The following PLEKHH2 variants were observed in gnomAD, a reference collection of about 807,000 sequenced individuals.
PLEKHH2 encodes pleckstrin homology, MyTH4 and FERM domain containing H2, also known as pleckstrin homology domain-containing family H member 2.
In PLEKHH2, 129 loss-of-function variants were observed where a neutral mutation model predicts 187.9. The observed-to-expected ratio is 0.69, with a 90% confidence interval of 0.59 to 0.79. The LOEUF (loss-of-function observed/expected upper bound fraction) is 0.79, where lower values mean the gene tolerates loss of function less well. Among genes scored for constraint, PLEKHH2 ranks in the 30% least tolerant of loss-of-function variants. The pLI is 0.00. For missense variants in PLEKHH2, 2,076 were observed against 1,751.2 expected, an observed-to-expected ratio of 1.19 and a Z score of -3.31; for synonymous variants, 686 against 605.6, an observed-to-expected ratio of 1.13 and a Z score of -1.95.
chr2:43,675,566 C>T (rs1261178070), intron 2 of PLEKHH2: 1 of 1,613,808 alleles, frequency 6.2e-7, no homozygotes, highest in Non-Finnish European at 8.5e-7. Context: ...AATGCCTCTT[C>T]AATAAGCTGT....
chr2:43,677,344 G>C (rs1203522127), intron 2 of PLEKHH2, among the ~76,000 whole-genome samples: 1 of 152,056 alleles, frequency 6.6e-6, no homozygotes, highest in African/African-American at 2.4e-5. Context: ...AGGACCCTTC[G>C]GCCCTCTGCA....
At chr2:43,666,494 C>T (rs559688867) in intron 2 of PLEKHH2, among the ~76,000 whole-genome samples, 1 of 147,318 alleles carries the variant, frequency 6.8e-6, no homozygotes, top group South Asian at 2.1e-4. Context: ...ATCTTGGCTC[C>T]TCCCCCAACA....
At chr2:43,757,324 T>A (rs1672251408) in intron 26 of PLEKHH2, 60 bp downstream of exon 26, 1 of 1,291,608 alleles carries the variant, frequency 7.7e-7, no homozygotes, top group African/African-American at 1.5e-5. Flanking sequence ...TGGTAATATT[T>A]TTGTGTTCAA....
chr2:43,751,889 C>T (rs1438995200), intron 24 of PLEKHH2, among the ~76,000 whole-genome samples: 2 of 151,646 alleles, frequency 1.3e-5, no homozygotes, highest in African/African-American at 4.9e-5. Context: ...GGATTTGAGC[C>T]CATGGTTCAT....
At chr2:43,675,031 G>C in intron 2 of PLEKHH2, 1 of 171,156 alleles carries the variant, frequency 5.8e-6, no homozygotes, top group Non-Finnish European at 1.2e-5. Context: ...TTAAATATGT[G>C]GCCATACATG....
At chr2:43,707,744 A>G (rs536087558) in intron 11 of PLEKHH2, among the ~76,000 whole-genome samples, 199 bp downstream of exon 11, 355 of 102,186 alleles carry the variant, frequency 3.5e-3, no homozygotes, top group African/African-American at 0.018. Context: ...CAAATTATAT[A>G]GTTTTTTTTT....
chr2:43,702,978 C>T (rs1030246578), intron 8 of PLEKHH2, among the ~76,000 whole-genome samples: 2 of 152,220 alleles, frequency 1.3e-5, no homozygotes, highest in African/African-American at 4.8e-5. Flanking sequence ...TGCCTCCCGT[C>T]TCCTGCTTAC....
At chr2:43,702,677 T>C (rs1669439568) in intron 8 of PLEKHH2, among the ~76,000 whole-genome samples, 1 of 152,096 alleles carries the variant, frequency 6.6e-6, no homozygotes, top group South Asian at 2.1e-4. Context: ...TATTTTCAGG[T>C]TTCAAGGAAA....
chr2:43,676,588 C>T (rs1335114605), intron 2 of PLEKHH2, among the ~76,000 whole-genome samples: 1 of 151,928 alleles, frequency 6.6e-6, no homozygotes, highest in East Asian at 1.9e-4. Context: ...TGAAAATGAG[C>T]AGAGATGAGT....
chr2:43,675,916 T>C (rs1667741514), intron 2 of PLEKHH2: 2 of 1,614,108 alleles, frequency 1.2e-6, no homozygotes, highest in Non-Finnish European at 1.7e-6. Context: ...GAAGAACCAG[T>C]TGTAGTTGTC....
intron 20 of PLEKHH2, among the ~76,000 whole-genome samples, chr2:43,740,328 G>C (rs1671504187): frequency 6.6e-6 from 1 of 152,098 alleles, no homozygotes; most frequent in Admixed American, 6.6e-5. Context: ...TTTGTACCTT[G>C]TTTAGTGGTT....
chr2:43,641,071 G>A (rs139686171), intron 1 of PLEKHH2, among the ~76,000 whole-genome samples: 1 of 151,264 alleles, frequency 6.6e-6, no homozygotes, highest in African/African-American at 2.4e-5. Flanking sequence ...GGGATTATAA[G>A]CATGAGCCAC....
At chr2:43,659,798 A>G (rs1666976535) in intron 2 of PLEKHH2, among the ~76,000 whole-genome samples, 1 of 151,408 alleles carries the variant, frequency 6.6e-6, no homozygotes, top group South Asian at 2.1e-4. Flanking sequence ...ACCTCAAGTG[A>G]TCCGCCTGCC....
intron 25 of PLEKHH2, among the ~76,000 whole-genome samples, chr2:43,754,601 G>A (rs1028167823): frequency 6.6e-6 from 1 of 152,134 alleles, no homozygotes; most frequent in Admixed American, 6.5e-5. Context: ...TCTTAAGAAG[G>A]AGAGAATGGT....
At chr2:43,727,410 C>CAAAAAAAAAAAAAAAAAA (rs57973493) in intron 17 of PLEKHH2, among the ~76,000 whole-genome samples, 1 of 114,816 alleles carries the variant, frequency 8.7e-6, no homozygotes, top group African/African-American at 3.6e-5. Flanking sequence ...GACTCCGTCT[C>CAAAAAAAAAAAAAAAAAA]AAAAAAAAAA....
intron 15 of PLEKHH2, among the ~76,000 whole-genome samples, chr2:43,716,540 C>T (rs537419133): frequency 1.3e-5 from 2 of 152,208 alleles, no homozygotes; most frequent in South Asian, 2.1e-4. Context: ...GAGTTTTTAT[C>T]GAATATTTTT....
intron 3 of PLEKHH2, among the ~76,000 whole-genome samples, chr2:43,681,888 A>G (rs551839347): frequency 2.0e-5 from 3 of 152,304 alleles, no homozygotes; most frequent in African/African-American, 4.8e-5. Flanking sequence ...AATAAGCCCA[A>G]TGTAGCCTAA....
chr2:43,755,696 C>T (rs1672187450), intron 25 of PLEKHH2, among the ~76,000 whole-genome samples: 1 of 152,150 alleles, frequency 6.6e-6, no homozygotes, highest in South Asian at 2.1e-4. Flanking sequence ...CATTTGAAGG[C>T]TCCTTCAGTC....
chr2:43,648,139 A>G (rs1266952960), intron 2 of PLEKHH2, among the ~76,000 whole-genome samples: 2 of 152,176 alleles, frequency 1.3e-5, no homozygotes, highest in African/African-American at 4.8e-5. Flanking sequence ...TCTGGCACAC[A>G]GAAGTAACTC....
Sources: allele counts gnomAD v4.1 joint callset (sites outside exome capture counted in the v4.1 genomes callset), GRCh38; gene constraint gnomAD v4.1.1; transcripts MANE v1.5; gene names NCBI Gene and HGNC (gene_info 2026-07-23, HGNC 2026-07-21).